The following GRID1 variants were observed in gnomAD, a reference collection of about 807,000 sequenced individuals.
GRID1 encodes the protein glutamate receptor ionotropic, delta-1.
Under a neutral mutation model 98.0 loss-of-function variants are expected in GRID1, and 28 were observed. The ratio of observed to expected loss-of-function variants is 0.29; its 90% CI spans 0.21 to 0.39. GRID1 has a LOEUF of 0.39. Among genes scored for constraint, GRID1 ranks in the 10% least tolerant of loss-of-function variants. The pLI is 1.00. For missense variants in GRID1, 1,111 were observed against 1,340.5 expected (o/e 0.83, Z 2.67); for synonymous variants, 553 against 538.5 (o/e 1.03, Z -0.37).
intron 2 of GRID1, among the ~76,000 whole-genome samples, chr10:86,227,636 T>G (rs1247942903): frequency 6.6e-6 from 1 of 151,886 alleles, no homozygotes; most frequent in Admixed American, 6.5e-5. Flanking sequence ...TCTGCTGTCC[T>G]TCCTCACACG....
chr10:85,852,193 T>C (rs1843065159), intron 8 of GRID1, among the ~76,000 whole-genome samples: 1 of 152,220 alleles, frequency 6.6e-6, no homozygotes, highest in Non-Finnish European at 1.5e-5. Context: ...AACCAGGATA[T>C]GCAGTTATTA....
chr10:85,758,053 T>C (rs1021320913), intron 8 of GRID1, among the ~76,000 whole-genome samples: 1 of 152,062 alleles, frequency 6.6e-6, no homozygotes, highest in African/African-American at 2.4e-5. Context: ...ACAGAGGGAG[T>C]AGAGCATGGT....
chr10:86,272,832 T>C (rs1367139721), intron 2 of GRID1, among the ~76,000 whole-genome samples: 1 of 152,168 alleles, frequency 6.6e-6, no homozygotes, highest in East Asian at 1.9e-4. Context: ...GCAAGATGCA[T>C]GCTAAGAAAA....
intron 6 of GRID1, among the ~76,000 whole-genome samples, chr10:85,860,803 T>A (rs1487020491): frequency 6.6e-6 from 1 of 152,162 alleles, no homozygotes; most frequent in Admixed American, 6.5e-5. Flanking sequence ...TCCACTAGCA[T>A]CCATTTGCTG....
intron 12 of GRID1, among the ~76,000 whole-genome samples, chr10:85,719,778 C>T (rs1483905173): frequency 6.6e-6 from 1 of 152,056 alleles, no homozygotes; most frequent in African/African-American, 2.4e-5. Flanking sequence ...ATGCCTCAAA[C>T]TTCATACAGA....
intron 4 of GRID1, among the ~76,000 whole-genome samples, chr10:86,058,432 A>C (rs966142928): frequency 1.2e-4 from 19 of 152,350 alleles, no homozygotes; most frequent in African/African-American, 4.6e-4. Flanking sequence ...TGATCTTTTA[A>C]GATAACTTTC....
At chr10:86,275,574 A>C (rs1387490853) in intron 2 of GRID1, among the ~76,000 whole-genome samples, 1 of 152,178 alleles carries the variant, frequency 6.6e-6, no homozygotes, top group Non-Finnish European at 1.5e-5. Flanking sequence ...CAATAAAAAG[A>C]TTAACATTAA....
intron 2 of GRID1, among the ~76,000 whole-genome samples, chr10:86,222,772 C>T (rs1846277882): frequency 6.6e-6 from 1 of 152,200 alleles, no homozygotes; most frequent in Non-Finnish European, 1.5e-5. Context: ...ACACAAGTCA[C>T]AGAGCCCGAG....
intron 8 of GRID1, among the ~76,000 whole-genome samples, chr10:85,849,602 C>T (rs1442573633): frequency 6.6e-6 from 1 of 152,134 alleles, no homozygotes; most frequent in African/African-American, 2.4e-5. Flanking sequence ...GAAGAGGAGA[C>T]AGGGAGTCAC....
At chr10:85,715,713 A>C (rs1841630628) in intron 12 of GRID1, among the ~76,000 whole-genome samples, 1 of 152,186 alleles carries the variant, frequency 6.6e-6, no homozygotes, top group Non-Finnish European at 1.5e-5. Flanking sequence ...AAAAGATAAC[A>C]AGTGATGATG....
chr10:85,744,352 G>A (rs530663847), intron 8 of GRID1, among the ~76,000 whole-genome samples: 189 of 152,188 alleles, frequency 1.2e-3, no homozygotes, highest in African/African-American at 4.3e-3. Context: ...CAACTGATAA[G>A]CTTAATTTTA....
At position 86,318,463 on chromosome 10, in the gene GRID1, G is replaced by A. The variant is rs187057656; in HGVS notation, c.235+45478C>T. On this transcript the variant is annotated intron_variant, in intron 2 of 15. Coordinates refer to ENST00000327946, the MANE Select transcript of GRID1 (RefSeq NM_017551.3). ...GCCTGCCAGGGCCAGCCCACACCAG[G>A]GGTCCACACAGGCTGACAGGTTGGG... is the stretch of plus-strand genomic sequence containing the variant. Among the ~76,000 whole-genome samples, 172 of 152,324 alleles carry A rather than the reference G, an allele frequency of 1.1e-3. 1 individual carries two copies. Among genetic ancestry groups the A allele is most frequent in the Non-Finnish European group, 1.9e-3 (129 of 68,022 alleles).
chr10:85,757,533 C>G (rs1472472239), intron 8 of GRID1, among the ~76,000 whole-genome samples: 1 of 152,200 alleles, frequency 6.6e-6, no homozygotes, highest in African/African-American at 2.4e-5. Flanking sequence ...TTCAAAGCAT[C>G]CACAGGATTG....
At chr10:86,281,935 T>C (rs192929318) in intron 2 of GRID1, among the ~76,000 whole-genome samples, 8 of 152,220 alleles carry the variant, frequency 5.3e-5, no homozygotes, top group Admixed American at 2.6e-4. Flanking sequence ...CTGCCTTCTG[T>C]AAGGTCTGCT....
intron 14 of GRID1, 44 bp downstream of exon 14, chr10:85,619,823 T>G (rs1428027503): frequency 1.3e-6 from 2 of 1,504,310 alleles, no homozygotes; most frequent in South Asian, 1.1e-5. Flanking sequence ...CCTTGACCAC[T>G]AGAGTCCTGA....
At chr10:86,180,883 C>T (rs748345961) in intron 3 of GRID1, among the ~76,000 whole-genome samples, 35 of 152,284 alleles carry the variant, frequency 2.3e-4, no homozygotes, top group Middle Eastern at 3.4e-3. Context: ...CCAGAGAGGC[C>T]AAAGGCTCTG....
chr10:85,826,925 G>A (rs926654989), intron 8 of GRID1, among the ~76,000 whole-genome samples: 3 of 152,030 alleles, frequency 2.0e-5, no homozygotes, highest in African/African-American at 7.2e-5. Flanking sequence ...CCCACATTAT[G>A]CCACAATCAA....
intron 5 of GRID1, among the ~76,000 whole-genome samples, chr10:85,886,963 T>A (rs1841126291): frequency 6.6e-6 from 1 of 152,222 alleles, no homozygotes; most frequent in Non-Finnish European, 1.5e-5. Flanking sequence ...CTATCAAACA[T>A]CTGTGTGATA....
At chr10:85,780,771 T>G (rs1842374374) in intron 8 of GRID1, among the ~76,000 whole-genome samples, 1 of 152,202 alleles carries the variant, frequency 6.6e-6, no homozygotes. Flanking sequence ...TAAAATGGGG[T>G]CAATATCAAT....
Sources: gnomAD v4.1 joint callset for allele counts (sites outside exome capture counted in the v4.1 genomes callset) on GRCh38, gnomAD v4.1.1 for gene constraint, MANE v1.5 for transcripts, NCBI Gene and HGNC (gene_info 2026-07-23, HGNC 2026-07-21) for gene names.